The following POU2AF3 variants were observed in gnomAD, a reference collection of about 807,000 sequenced individuals.
POU2AF3 encodes the protein POU class 2 homeobox associating factor 3.
At chr11:111,299,165 C>G in the POU2AF3 span, 2 of 952,528 alleles carry the variant, frequency 2.1e-6, no homozygotes, top group African/African-American at 3.5e-5. Flanking sequence ...TGGGGAGACC[C>G]TAACTCCTGG....
chr11:111,299,474 G>A, the POU2AF3 span: 1 of 1,097,654 alleles, frequency 9.1e-7, no homozygotes, highest in African/African-American at 1.6e-5. Flanking sequence ...CGGGGCTGAG[G>A]CTGCCCCTGC....
chr11:111,305,400 C>T, the POU2AF3 span, among the ~76,000 whole-genome samples: 2 of 152,210 alleles, frequency 1.3e-5, no homozygotes, highest in African/African-American at 2.4e-5. Flanking sequence ...GCTTCCCTCC[C>T]CTTCTCTGTT....
the POU2AF3 span, chr11:111,308,321 C>T: frequency 3.2e-6 from 5 of 1,551,764 alleles, no homozygotes; most frequent in East Asian, 2.4e-5. Flanking sequence ...CTTGGATGCT[C>T]TCCAGGCAGC....
At chr11:111,300,479 G>A in the POU2AF3 span, 1 of 993,858 alleles carries the variant, frequency 1.0e-6, no homozygotes, top group Non-Finnish European at 1.3e-6. Context: ...TCTGCACCCT[G>A]GCACCCAGAC....
At chr11:111,302,679 T>C in the POU2AF3 span, among the ~76,000 whole-genome samples, 5 of 152,226 alleles carry the variant, frequency 3.3e-5, no homozygotes, top group Non-Finnish European at 7.3e-5. Flanking sequence ...CAGTGTCTTA[T>C]AGGAACAGGC....
At chr11:111,305,147 A>C in the POU2AF3 span, 1 of 401,712 alleles carries the variant, frequency 2.5e-6, no homozygotes, top group Non-Finnish European at 4.4e-6. Flanking sequence ...CAAGCCCAGC[A>C]AGAAAACAAG....
At chr11:111,302,992 G>A in the POU2AF3 span, among the ~76,000 whole-genome samples, 2 of 152,220 alleles carry the variant, frequency 1.3e-5, no homozygotes, top group Non-Finnish European at 2.9e-5. Context: ...AAGCCAAGGA[G>A]AGGGTTAATT....
At chr11:111,302,488 G>C in the POU2AF3 span, among the ~76,000 whole-genome samples, 119 of 152,298 alleles carry the variant, frequency 7.8e-4, no homozygotes, top group African/African-American at 2.8e-3. Flanking sequence ...TGGCACTTCT[G>C]TTGCTGCTGG....
the POU2AF3 span, chr11:111,298,826 G>GCGGGGGCGGC: frequency 1.3e-6 from 1 of 790,962 alleles, no homozygotes; most frequent in Non-Finnish European, 1.7e-6. Flanking sequence ...CGTACCCCAG[G>GCGGGGGCGGC]CCCCCGCCCG....
the POU2AF3 span, chr11:111,299,338 T>G: frequency 1.0e-6 from 1 of 989,146 alleles, no homozygotes; most frequent in Non-Finnish European, 1.2e-6. Flanking sequence ...GGACGCACAC[T>G]GCAGGGTAGT....
At chr11:111,300,600 C>T in the POU2AF3 span, 29 of 1,231,878 alleles carry the variant, frequency 2.4e-5, no homozygotes, top group Middle Eastern at 3.1e-4. Flanking sequence ...GACGGGCACA[C>T]CAGGCGGCCT....
chr11:111,299,559 C>A, the POU2AF3 span: 1 of 1,206,520 alleles, frequency 8.3e-7, no homozygotes, highest in South Asian at 4.3e-5. Context: ...CGGGGCAGTC[C>A]GACCGGGCCC....
chr11:111,300,168 T>C, the POU2AF3 span: 1 of 348,298 alleles, frequency 2.9e-6, no homozygotes, highest in Non-Finnish European at 5.1e-6. Flanking sequence ...TGTCTGGGTC[T>C]GAAAGCCAAG....
chr11:111,302,159 T>C, the POU2AF3 span, among the ~76,000 whole-genome samples: 1 of 152,238 alleles, frequency 6.6e-6, no homozygotes, highest in Non-Finnish European at 1.5e-5. Flanking sequence ...ATTCAAAACC[T>C]TGAAGTTGCT....
At chr11:111,304,924 A>C in the POU2AF3 span, 1 of 1,232,638 alleles carries the variant, frequency 8.1e-7, no homozygotes, top group East Asian at 3.2e-5. Context: ...TCTTGCTTTG[A>C]CAGCGGTCCG....
the POU2AF3 span, among the ~76,000 whole-genome samples, chr11:111,300,794 A>C: frequency 6.6e-6 from 1 of 152,242 alleles, no homozygotes; most frequent in Non-Finnish European, 1.5e-5. Context: ...GGGAAGCTAC[A>C]GAGGACAGCT....
chr11:111,299,360 G>A, the POU2AF3 span: 169 of 992,292 alleles, frequency 1.7e-4, no homozygotes, highest in Middle Eastern at 1.0e-3. Flanking sequence ...GTCAGGGCCG[G>A]AGCCGCCCCG....
At chr11:111,301,715 T>C in the POU2AF3 span, among the ~76,000 whole-genome samples, 1 of 152,172 alleles carries the variant, frequency 6.6e-6, no homozygotes, top group Non-Finnish European at 1.5e-5. Context: ...TTGGGGATGA[T>C]AGGATTTTGT....
chr11:111,307,212 T>C, the POU2AF3 span, among the ~76,000 whole-genome samples: 1 of 151,824 alleles, frequency 6.6e-6, no homozygotes, highest in Admixed American at 6.6e-5. Context: ...TCTCGGTGGA[T>C]CTCAAATGTT....
Sources: allele counts gnomAD v4.1 joint callset (sites outside exome capture counted in the v4.1 genomes callset), GRCh38; gene constraint gnomAD v4.1.1; transcripts MANE v1.5; gene names NCBI Gene and HGNC (gene_info 2026-07-23, HGNC 2026-07-21).